Variants in SND1 observed in about 807,000 individuals in gnomAD.
The protein encoded by SND1 is staphylococcal nuclease domain-containing protein 1.
A neutral mutation model predicts 121.7 loss-of-function variants in SND1; 38 were observed. The observed-to-expected ratio is 0.31, with a 90% CI of 0.24 to 0.41. The LOEUF is 0.41. Ranked by LOEUF, SND1 falls within the 10% of genes least tolerant of loss-of-function variation. The pLI, the probability that SND1 is intolerant of heterozygous loss-of-function variation, is 1.00. For synonymous variants in SND1, 401 were observed against 447.4 expected (o/e 0.90, Z 1.31); for missense variants, 868 against 1,184.6 (o/e 0.73, Z 3.92).
At chr7:127,743,234 G>A (rs755974990) in intron 10 of SND1, among the ~76,000 whole-genome samples, 21 of 152,210 alleles carry the variant, frequency 1.4e-4, no homozygotes, top group Non-Finnish European at 2.8e-4. Flanking sequence ...AACCTGCCAG[G>A]TGTTGGTCAT....
intron 10 of SND1, among the ~76,000 whole-genome samples, chr7:127,795,896 C>T (rs1279781641): frequency 6.6e-6 from 1 of 151,968 alleles, no homozygotes; most frequent in Non-Finnish European, 1.5e-5. Flanking sequence ...CTTGCTCTGT[C>T]ACCCAGGCTG....
In SND1 at chr7:127,908,318, A is replaced by ATGTGTGTG. The variant is rs10579969; in HGVS notation, c.1527+3534_1527+3541dup. 3.3e-3 allele frequency among the ~76,000 whole-genome samples: 461 copies of ATGTGTGTG among 138,552 alleles called. 2 individuals carry two copies. The highest frequency in any genetic ancestry group is 3.7e-3 in the Middle Eastern group (1 of 268). The allele number at this position is 138,552 out of a possible 152,430, so 90.9% of individuals were successfully genotyped here. Reference sequence around the variant, plus strand: ...TCTACCAAAAAAAAAATAATAATAAATGTGTGTGTGTGTGTGTGTGTGTGT... The same window carrying ATGTGTGTG: ...TCTACCAAAAAAAAAATAATAATAAATGTGTGTGTGTGTGTGTGTGTGTGTGTGTGTGT... On this transcript the variant is annotated intron_variant, in intron 14 of 23. Coordinates refer to ENST00000354725, the MANE Select transcript of SND1 (RefSeq NM_014390.4).
intron 10 of SND1, among the ~76,000 whole-genome samples, chr7:127,798,944 G>A (rs1584581590): frequency 1.3e-5 from 2 of 150,428 alleles, no homozygotes; most frequent in Admixed American, 1.3e-4. Context: ...CTACTCGGCA[G>A]GCTGAGGTGG....
At chr7:127,679,453 A>T (rs1795671697) in intron 1 of SND1, among the ~76,000 whole-genome samples, 1 of 152,158 alleles carries the variant, frequency 6.6e-6, no homozygotes, top group South Asian at 2.1e-4. Context: ...TTTTAGATAT[A>T]ATTAACATAC....
At chr7:127,862,479 TA>T (rs933836081) in intron 12 of SND1, among the ~76,000 whole-genome samples, 2 of 152,118 alleles carry the variant, frequency 1.3e-5, no homozygotes, top group Non-Finnish European at 2.9e-5. Context: ...TCCAACCAGT[TA>T]AAAAAAATTC....
At chr7:127,754,984 T>C (rs1023706001) in intron 10 of SND1, among the ~76,000 whole-genome samples, 16 of 152,352 alleles carry the variant, frequency 1.1e-4, no homozygotes, top group Non-Finnish European at 1.9e-4. Flanking sequence ...TAAATTACTT[T>C]GGGTCTGTGG....
At chr7:127,837,809 T>C (rs1798893606) in intron 11 of SND1, among the ~76,000 whole-genome samples, 1 of 152,260 alleles carries the variant, frequency 6.6e-6, no homozygotes, top group Non-Finnish European at 1.5e-5. Flanking sequence ...GAGCACTTTG[T>C]ATGGAAGATC....
chr7:127,692,132 C>G (rs712713), intron 2 of SND1, among the ~76,000 whole-genome samples: 3 of 152,198 alleles, frequency 2.0e-5, no homozygotes, highest in African/African-American at 4.8e-5. Flanking sequence ...GGTCATTTAC[C>G]TAGTAACTAG....
intron 1 of SND1, among the ~76,000 whole-genome samples, chr7:127,681,169 T>C (rs35872516): frequency 0.065 from 9,945 of 152,312 alleles, 414 homozygotes; most frequent in Middle Eastern, 0.18. Context: ...TGTTATTGCC[T>C]GTCTTATTGA....
At position 127,937,603 on chromosome 7, in the gene SND1, A is replaced by G. The variant is rs1801088218; in HGVS notation, c.1669+8274A>G. The stretch of plus-strand genomic sequence containing the variant: ...ATGGTGGTGGGCTTGTGCATGGTGA[A>G]CTAAAGGTTTGGCTGTGTGTCCTTT... On this transcript the variant is annotated intron_variant, in intron 15 of 23. Coordinates refer to ENST00000354725, the MANE Select transcript of SND1 (RefSeq NM_014390.4). Among the ~76,000 whole-genome samples the G allele has an allele frequency of 2.0e-5, 3 of 152,294 alleles. No individual in the cohort carries two copies. In the East Asian group the frequency reaches 5.8e-4, roughly 29 times the overall value.
At position 127,909,558 on chromosome 7, in the gene SND1, A is replaced by G. The variant is rs554129960; in HGVS notation, c.1527+4739A>G. 6.6e-5 allele frequency among the ~76,000 whole-genome samples: 10 copies of G among 152,128 alleles called. No individual in the cohort carries two copies. In the South Asian group the frequency reaches 2.1e-3, roughly 32 times the overall value. ...CTGTGGCCTTTCACTCCTGGGCTCA[A>G]GTGATCCTCCTGACTCAGCCTCCTG... is the stretch of plus-strand genomic sequence containing the variant. On this transcript the variant is annotated intron_variant, in intron 14 of 23. Transcript: ENST00000354725.
chr7:127,764,283 A>G (rs905522865), intron 10 of SND1, among the ~76,000 whole-genome samples: 30 of 152,228 alleles, frequency 2.0e-4, no homozygotes, highest in Non-Finnish European at 4.4e-4. Flanking sequence ...CATAGGAGCT[A>G]TCACCTACCC....
At chr7:128,058,423 C>A (rs1377631137) in intron 16 of SND1, among the ~76,000 whole-genome samples, 6 of 152,216 alleles carry the variant, frequency 3.9e-5, no homozygotes, top group Admixed American at 3.9e-4. Context: ...TAACTCCCTC[C>A]AGGTCCCTGA....
At chr7:127,799,832 A>G (rs1798096526) in intron 10 of SND1, among the ~76,000 whole-genome samples, 1 of 152,198 alleles carries the variant, frequency 6.6e-6, no homozygotes, top group Non-Finnish European at 1.5e-5. Context: ...TTTTCCTTGA[A>G]ACAACTCTTG....
At chr7:128,031,333 A>C (rs1792594568) in intron 16 of SND1, among the ~76,000 whole-genome samples, 1 of 151,502 alleles carries the variant, frequency 6.6e-6, no homozygotes, top group East Asian at 2.0e-4. Context: ...CCGCCGCCGG[A>C]GGGAGTGCGG....
intron 10 of SND1, among the ~76,000 whole-genome samples, chr7:127,768,713 A>G (rs969580753): frequency 2.0e-5 from 3 of 152,242 alleles, no homozygotes; most frequent in Non-Finnish European, 4.4e-5. Context: ...ACAAATTACA[A>G]TAGAATTATA....
chr7:127,729,304 G>A (rs1200885110), intron 10 of SND1, among the ~76,000 whole-genome samples: 1 of 151,806 alleles, frequency 6.6e-6, no homozygotes, highest in Non-Finnish European at 1.5e-5. Flanking sequence ...TACTGTTGTC[G>A]ACCTTGTTGG....
intron 10 of SND1, among the ~76,000 whole-genome samples, chr7:127,799,324 G>A (rs1173250863): frequency 1.3e-5 from 2 of 152,200 alleles, no homozygotes; most frequent in African/African-American, 2.4e-5. Flanking sequence ...TACTTAAACT[G>A]TAAGCCTCAG....
At chr7:127,743,476 C>T (rs17151245) in intron 10 of SND1, among the ~76,000 whole-genome samples, 2 of 152,206 alleles carry the variant, frequency 1.3e-5, no homozygotes, top group Non-Finnish European at 2.9e-5. Flanking sequence ...AAAATAGCCC[C>T]CAACGTTTTG....
Sources: gnomAD v4.1 joint callset for allele counts (sites outside exome capture counted in the v4.1 genomes callset) on GRCh38, gnomAD v4.1.1 for gene constraint, MANE v1.5 for transcripts, NCBI Gene and HGNC (gene_info 2026-07-23, HGNC 2026-07-21) for gene names.